The following LRP1B variants were observed in gnomAD, a reference collection of about 807,000 sequenced individuals.
The protein encoded by LRP1B is LDL receptor related protein 1B.
In LRP1B, 217 loss-of-function variants were observed where a neutral mutation model predicts 556.6. That is an observed-to-expected ratio of 0.39 (90% CI 0.35 to 0.44). The LOEUF is 0.44. LRP1B is among the 20% of genes least tolerant of loss of function. LRP1B has a pLI of 1.00. For synonymous variants in LRP1B, 2,047 were observed against 1,865.8 expected (o/e 1.10, Z -2.50); for missense variants, 5,053 against 5,620.8 (o/e 0.90, Z 3.23).
intron 15 of LRP1B, among the ~76,000 whole-genome samples, chr2:140,997,453 C>T (rs1363519036): frequency 6.6e-6 from 1 of 151,644 alleles, no homozygotes; most frequent in East Asian, 2.0e-4. Context: ...AAGACATATT[C>T]CTGACCTCAG....
chr2:142,023,820 G>A (rs1703419763), intron 1 of LRP1B, among the ~76,000 whole-genome samples: 1 of 151,990 alleles, frequency 6.6e-6, no homozygotes, highest in African/African-American at 2.4e-5. Context: ...GCCTCCTACT[G>A]TTTTGTGCCA....
intron 41 of LRP1B, among the ~76,000 whole-genome samples, chr2:140,681,343 C>G (rs561272588): frequency 9.7e-4 from 147 of 152,162 alleles, no homozygotes; most frequent in Admixed American, 1.6e-3. Context: ...AATTCATTCA[C>G]AGCTAAAGTC....
chr2:141,193,406 G>A (rs1681606760), intron 6 of LRP1B, among the ~76,000 whole-genome samples: 1 of 152,028 alleles, frequency 6.6e-6, no homozygotes, highest in Admixed American at 6.6e-5. Context: ...GGAATACTAT[G>A]CAGCAATAAA....
In LRP1B at chr2:141,327,875, T is replaced by TGA. The variant is rs757095809; in HGVS notation, c.344-73236_344-73235dup. Among the ~76,000 whole-genome samples, 169 of 90,664 alleles carry TGA rather than the reference T, an allele frequency of 1.9e-3. 1 individual carries two copies. The highest frequency in any genetic ancestry group is 5.5e-3 in the South Asian group (19 of 3,450). The allele number at this position is 90,664 out of a possible 152,430, so 59.5% of individuals were successfully genotyped here. On this transcript the variant is annotated intron_variant, in intron 3 of 90. Transcript: ENST00000389484. ...GATGGGTAGGTAGATAGATAAAGAG[T>TGA]GAGAGAGAGAGAGAGAGAGAGAGAG...
rs142706995 is a variant in LRP1B at position 141,308,629 on chromosome 2, G to A, written c.344-53988C>T. Among the ~76,000 whole-genome samples, 10 of 152,102 alleles carry A rather than the reference G, an allele frequency of 6.6e-5. No homozygotes were observed. In the East Asian group the frequency reaches 9.7e-4, roughly 15 times the overall value. ...AATATTTTTCTGAGCAGTTAATTGC[G>A]TTACCATGTTTTGTTGATATTATAT... On this transcript the variant is annotated intron_variant, in intron 3 of 90. Coordinates refer to ENST00000389484, the MANE Select transcript of LRP1B (RefSeq NM_018557.3).
chr2:140,358,851 C>G lies in LRP1B; in HGVS notation c.11227G>C (p.Gly3743Arg). 1 of 1,608,756 alleles carries G rather than the reference C, an allele frequency of 6.2e-7. No individual in the cohort carries two copies. ...CAGTGATCTTCATCTGAATTGTCACCGCATTCATCAATCCCATTGCACATT... is the reference window on the plus strand; with the variant it reads ...CAGTGATCTTCATCTGAATTGTCACGGCATTCATCAATCCCATTGCACATT... Reference protein sequence around the residue: ...EQMCNGIDECGDNSDEDHCGG... With the variant: ...EQMCNGIDECRDNSDEDHCGG... The change falls in exon 73 of 91, where the codon GGT becomes CGT. Residue 3743 changes from glycine to arginine, a missense_variant. Transcript: ENST00000389484.
intron 23 of LRP1B, among the ~76,000 whole-genome samples, chr2:140,901,001 T>A (rs959084241): frequency 2.0e-5 from 3 of 152,184 alleles, no homozygotes; most frequent in Admixed American, 2.0e-4. Flanking sequence ...ATGAAGCATG[T>A]GGACTCCTCA....
intron 49 of LRP1B, among the ~76,000 whole-genome samples, chr2:140,521,291 C>T (rs1239049503): frequency 6.6e-6 from 1 of 152,042 alleles, no homozygotes; most frequent in South Asian, 2.1e-4. Flanking sequence ...AGTTTGAAAG[C>T]AGCTACAAAA....
At chr2:141,762,778 A>G (rs1694604222) in intron 2 of LRP1B, among the ~76,000 whole-genome samples, 1 of 152,212 alleles carries the variant, frequency 6.6e-6, no homozygotes, top group African/African-American at 2.4e-5. Context: ...TCTTCTCTAG[A>G]AATTCAGCTA....
chr2:141,681,355 AT>A (rs201309331), intron 2 of LRP1B, among the ~76,000 whole-genome samples: 5,485 of 152,038 alleles, frequency 0.036, 136 homozygotes, highest in Non-Finnish European at 0.054. Flanking sequence ...TAAAAAAAAA[AT>A]TCAAGGTAAG....
chr2:140,909,719 A>G (rs1251447818), intron 21 of LRP1B, among the ~76,000 whole-genome samples: 1 of 151,054 alleles, frequency 6.6e-6, no homozygotes, highest in Non-Finnish European at 1.5e-5. Context: ...CGTTGTTAAT[A>G]TAATCATATA....
chr2:141,376,638 A>G (rs1273523461), intron 3 of LRP1B, among the ~76,000 whole-genome samples: 2 of 152,230 alleles, frequency 1.3e-5, no homozygotes, highest in Admixed American at 1.3e-4. Context: ...TTTTTTAACA[A>G]TTAGATTTCT....
chr2:141,303,519 A>T (rs1413367623), intron 3 of LRP1B, among the ~76,000 whole-genome samples: 1 of 152,096 alleles, frequency 6.6e-6, no homozygotes, highest in Non-Finnish European at 1.5e-5. Flanking sequence ...GCTTTCACAT[A>T]TGAGTGAACC....
At chr2:140,537,296 G>A (rs1376744245) in intron 45 of LRP1B, among the ~76,000 whole-genome samples, 1 of 150,146 alleles carries the variant, frequency 6.7e-6, no homozygotes, top group Non-Finnish European at 1.5e-5. Context: ...AAGTGTTTTT[G>A]TGTTTTCTTA....
chr2:140,797,802 G>C (rs1302281792), intron 32 of LRP1B, among the ~76,000 whole-genome samples: 2 of 151,848 alleles, frequency 1.3e-5, no homozygotes, highest in East Asian at 3.9e-4. Flanking sequence ...ACTTAAAAAA[G>C]AAAAAAATAA....
chr2:141,585,466 T>TGTGTGTGTGAGTGA (rs1553538855), intron 2 of LRP1B, among the ~76,000 whole-genome samples: 1 of 145,436 alleles, frequency 6.9e-6, no homozygotes, highest in African/African-American at 2.6e-5. Context: ...TGTGTGTGTG[T>TGTGTGTGTGAGTGA]GTGATGGGGT....
At chr2:141,876,578 T>C (rs1698766466) in intron 1 of LRP1B, among the ~76,000 whole-genome samples, 1 of 151,972 alleles carries the variant, frequency 6.6e-6, no homozygotes, top group Non-Finnish European at 1.5e-5. Context: ...ATTCTATTAG[T>C]TCTAGACACT....
Position 141,601,198 on chromosome 2 carries a change from G to A in LRP1B, c.206-120665C>T, listed in dbSNP as rs1421575893. ...CTAAACATATAGTATCTGTCTGTCTGTCAGTATCTATCTATCTATCTATCT... is the reference window on the plus strand; with the variant it reads ...CTAAACATATAGTATCTGTCTGTCTATCAGTATCTATCTATCTATCTATCT... On this transcript the variant is annotated intron_variant, in intron 2 of 90. Coordinates refer to ENST00000389484, the MANE Select transcript of LRP1B (RefSeq NM_018557.3). Among the ~76,000 whole-genome samples the A allele has an allele frequency of 1.3e-3, 153 of 119,460 alleles. 1 individual carries two copies. The highest frequency in any genetic ancestry group is 4.6e-3 in the African/African-American group (137 of 29,676). 78.4% of individuals were successfully genotyped at this position (119,460 alleles called of 152,430 possible). A position where few individuals can be genotyped will look rare whatever the true frequency, so the allele number is the denominator to read the frequency against.
At chr2:141,092,318 T>C (rs1016977802) in intron 7 of LRP1B, among the ~76,000 whole-genome samples, 1 of 152,212 alleles carries the variant, frequency 6.6e-6, no homozygotes, top group Non-Finnish European at 1.5e-5. Flanking sequence ...ATTTATTGGA[T>C]GTAAGAAAGA....
Sources: gnomAD v4.1 joint callset for allele counts (sites outside exome capture counted in the v4.1 genomes callset) on GRCh38, gnomAD v4.1.1 for gene constraint, MANE v1.5 for transcripts, NCBI Gene and HGNC (gene_info 2026-07-23, HGNC 2026-07-21) for gene names.